The following FAT3 variants were observed in gnomAD, a reference collection of about 807,000 sequenced individuals.
FAT3 encodes protocadherin Fat 3.
A neutral mutation model predicts 310.2 loss-of-function variants in FAT3; 95 were observed. The observed-to-expected ratio is 0.31, with a 90% CI of 0.26 to 0.36. The LOEUF (loss-of-function observed/expected upper bound fraction) is 0.36. FAT3 is among the 10% of genes least tolerant of loss of function. The probability of loss-of-function intolerance (pLI) is 1.00; values close to 1 mark genes in which losing one functional copy is unlikely to be tolerated. For synonymous variants in FAT3, 2,314 were observed against 2,192.9 expected (o/e 1.06, Z -1.54); for missense variants, 5,408 against 5,715.6 (o/e 0.95, Z 1.74).
At chr11:92,532,808 A>C (rs564156334) in intron 3 of FAT3, among the ~76,000 whole-genome samples, 1 of 152,258 alleles carries the variant, frequency 6.6e-6, no homozygotes, top group African/African-American at 2.4e-5. Context: ...CTGACGGATC[A>C]ATATGTGGAT....
intron 2 of FAT3, among the ~76,000 whole-genome samples, chr11:92,431,295 T>A (rs1445069573): frequency 2.0e-5 from 3 of 152,212 alleles, no homozygotes; most frequent in Non-Finnish European, 4.4e-5. Flanking sequence ...GTCTTTTGGC[T>A]GCATAAATGT....
intron 3 of FAT3, among the ~76,000 whole-genome samples, chr11:92,606,490 G>T (rs924673027): frequency 1.3e-5 from 2 of 152,164 alleles, no homozygotes; most frequent in African/African-American, 4.8e-5. Flanking sequence ...CTTTGGGGCT[G>T]CTTCTGCTCT....
intron 1 of FAT3, chr11:92,314,341 A>G: frequency 1.0e-6 from 1 of 953,752 alleles, no homozygotes; most frequent in Non-Finnish European, 1.2e-6. Flanking sequence ...TACAAATTTG[A>G]TAATTTTTAC....
At chr11:92,585,255 A>T (rs78797984) in intron 3 of FAT3, among the ~76,000 whole-genome samples, 2,454 of 152,148 alleles carry the variant, frequency 0.016, 64 homozygotes, top group African/African-American at 0.055. Context: ...AATATTGGTG[A>T]CTATCAATTT....
At chr11:92,626,549 C>A (rs1298947306) in intron 3 of FAT3, among the ~76,000 whole-genome samples, 1 of 151,906 alleles carries the variant, frequency 6.6e-6, no homozygotes, top group South Asian at 2.1e-4. Flanking sequence ...CCAGTGGCAT[C>A]TCTTCCTGAT....
rs774319933 is a variant in FAT3, at chr11:92,890,909, C to G, written c.13566C>G (p.Asn4522Lys). ...CEFSTFAVSM[N>K]QGTEPTGPAD... is the part of the protein sequence containing the mutation. Reference sequence around the variant, plus strand: ...TTAGTACTTTTGCTGTGAGCATGAACCAGGGCACAGAGCCCACAGGCCCAG... The same window carrying G: ...TTAGTACTTTTGCTGTGAGCATGAAGCAGGGCACAGAGCCCACAGGCCCAG... The change falls in exon 28 of 28, where the codon AAC becomes AAG. Residue 4522 changes from asparagine to lysine, a missense_variant. Physicochemically the swap from Asn to Lys is moderately conservative, Grantham distance 94 (BLOSUM62 0). Coordinates refer to ENST00000525166, the MANE Select transcript of FAT3 (RefSeq NM_001367949.2). The G allele has an allele frequency of 6.2e-7, 1 of 1,613,914 alleles. No homozygotes were observed. Among genetic ancestry groups the G allele is most frequent in the Non-Finnish European group, 8.5e-7 (1 of 1,179,892 alleles).
chr11:92,470,685 G>A (rs940205790), intron 2 of FAT3, among the ~76,000 whole-genome samples: 2 of 152,160 alleles, frequency 1.3e-5, no homozygotes, highest in African/African-American at 4.8e-5. Flanking sequence ...GGGTTTGGCT[G>A]AAATGCCTGG....
chr11:92,578,441 A>G (rs1290437611), intron 3 of FAT3, among the ~76,000 whole-genome samples: 1 of 152,144 alleles, frequency 6.6e-6, no homozygotes, highest in Non-Finnish European at 1.5e-5. Context: ...TTTACCAAAC[A>G]AAAACATAGG....
At chr11:92,824,651 T>C (rs1253816635) in intron 13 of FAT3, among the ~76,000 whole-genome samples, 1 of 152,194 alleles carries the variant, frequency 6.6e-6, no homozygotes, top group Non-Finnish European at 1.5e-5. Context: ...ATTTTTATAA[T>C]AGTTCTTTTA....
intron 1 of FAT3, among the ~76,000 whole-genome samples, chr11:92,341,945 G>A (rs1948275153): frequency 6.6e-6 from 1 of 152,010 alleles, no homozygotes. Flanking sequence ...AGCTGAGTGT[G>A]TATCACTCTT....
At chr11:92,442,100 TATATATATATA>T (rs369925706) in intron 2 of FAT3, among the ~76,000 whole-genome samples, 737 of 58,232 alleles carry the variant, frequency 0.013, 82 homozygotes, top group Middle Eastern at 0.021. Context: ...TATATATATA[TATATATATATA>T]TTTTTTTTTT....
At chr11:92,768,096 G>C (rs1206243186) in intron 6 of FAT3, among the ~76,000 whole-genome samples, 1 of 152,140 alleles carries the variant, frequency 6.6e-6, no homozygotes, top group Non-Finnish European at 1.5e-5. Flanking sequence ...CAAGAACATG[G>C]CATCAGTTTT....
intron 1 of FAT3, among the ~76,000 whole-genome samples, chr11:92,262,412 A>G (rs566395379): frequency 1.3e-5 from 2 of 152,106 alleles, no homozygotes; most frequent in South Asian, 2.1e-4. Flanking sequence ...GTTATTTGAC[A>G]TATCAAGCTT....
chr11:92,798,517 C>A lies in FAT3; in HGVS notation c.5504C>A (p.Thr1835Lys), dbSNP rs1947237828. Residue 1835 changes from threonine to lysine, a missense_variant, in exon 10 of 28, where the codon ACA becomes AAA. Physicochemically the swap from Thr to Lys is moderately conservative, Grantham distance 78 (BLOSUM62 -1). Coordinates refer to ENST00000525166, the MANE Select transcript of FAT3 (RefSeq NM_001367949.2). ...GACTCCAGTACAGGTGCAATCAGAA[C>A]AATTGCCAACCTGGACCATGAAACC... ...TVDSSTGAIRTIANLDHETIA... is the reference protein window; with the variant it reads ...TVDSSTGAIRKIANLDHETIA... 1 of 1,613,672 alleles carries A rather than the reference C, an allele frequency of 6.2e-7. No individual in the cohort carries two copies. Among genetic ancestry groups the A allele is most frequent in the Non-Finnish European group, 8.5e-7 (1 of 1,179,852 alleles).
At chr11:92,624,244 C>T (rs1052194348) in intron 3 of FAT3, among the ~76,000 whole-genome samples, 1 of 151,996 alleles carries the variant, frequency 6.6e-6, no homozygotes, top group Non-Finnish European at 1.5e-5. Flanking sequence ...AGTATTTTGC[C>T]GGATGAAGAG....
Position 92,353,972 on chromosome 11 carries a change from A to T in FAT3, c.1860A>T (p.Glu620Asp). 2 of 1,612,832 alleles carry T rather than the reference A, an allele frequency of 1.2e-6. No homozygotes were observed. Among genetic ancestry groups the T allele is most frequent in the Non-Finnish European group, 1.7e-6 (2 of 1,179,212 alleles). ...AGTACAAAATCATTTCTGGAAATGA[A>T]CTTGGCTTCTTTTATTTAAACCCAG... ...LVKYKIISGN[E>D]LGFFYLNPDS... The change falls in exon 2 of 28, where the codon GAA becomes GAT. Residue 620 changes from glutamate to aspartate, a missense_variant. Transcript: ENST00000525166.
intron 2 of FAT3, among the ~76,000 whole-genome samples, chr11:92,387,063 A>AGTGT (rs67529435): frequency 0.011 from 1,600 of 144,198 alleles, 16 homozygotes; most frequent in Admixed American, 0.028. Context: ...TATGGGAGCT[A>AGTGT]GTGTGTGTGT....
chr11:92,740,626 T>A (rs563147970), intron 4 of FAT3, among the ~76,000 whole-genome samples: 1 of 152,344 alleles, frequency 6.6e-6, no homozygotes, highest in East Asian at 1.9e-4. Flanking sequence ...TCTCTTAAAT[T>A]ATTGGATTTC....
intron 1 of FAT3, among the ~76,000 whole-genome samples, chr11:92,322,261 A>G (rs777518376): frequency 3.3e-5 from 5 of 152,216 alleles, no homozygotes; most frequent in Non-Finnish European, 7.3e-5. Context: ...TAAGAATACA[A>G]TAACATTATG....
Sources: allele counts gnomAD v4.1 joint callset (sites outside exome capture counted in the v4.1 genomes callset), GRCh38; gene constraint gnomAD v4.1.1; transcripts MANE v1.5; gene names NCBI Gene and HGNC (gene_info 2026-07-23, HGNC 2026-07-21).